The following LRRK2 variants were observed in gnomAD, a reference collection of about 807,000 sequenced individuals.
LRRK2 encodes the protein leucine rich repeat kinase 2, also known as leucine-rich repeat serine/threonine-protein kinase 2.
A neutral mutation model predicts 302.6 loss-of-function variants in LRRK2; 203 were observed. That is an observed-to-expected ratio of 0.67 (90% confidence interval 0.60 to 0.75). The LOEUF (loss-of-function observed/expected upper bound fraction) is 0.75. LRRK2 is among the 30% of genes least tolerant of loss of function. The probability of loss-of-function intolerance (pLI) is 0.00; values close to 1 mark genes in which losing one functional copy is unlikely to be tolerated. For synonymous variants in LRRK2, 1,066 were observed against 1,031.9 expected (o/e 1.03, Z -0.63); for missense variants, 2,830 against 2,951.0 (o/e 0.96, Z 0.95).
chr12:40,299,700 A>G (rs1239933936), intron 25 of LRRK2, among the ~76,000 whole-genome samples: 5 of 152,180 alleles, frequency 3.3e-5, no homozygotes, highest in African/African-American at 4.8e-5. Context: ...AATGTGCAGT[A>G]TAAAGAATGA....
intron 36 of LRRK2, 52 bp downstream of exon 36, chr12:40,322,233 CT>C: frequency 1.3e-6 from 2 of 1,552,972 alleles, no homozygotes; most frequent in Non-Finnish European, 1.8e-6. Context: ...GAAATTTAAA[CT>C]TAAAAAAAAA....
At chr12:40,359,552 C>A in intron 47 of LRRK2, 108 bp downstream of exon 47, 2 of 937,708 alleles carry the variant, frequency 2.1e-6, no homozygotes, top group Non-Finnish European at 3.1e-6. Flanking sequence ...TTTTAAAATG[C>A]ATAATTTATT....
At chr12:40,240,695 A>C in intron 6 of LRRK2, 78 bp downstream of exon 6, 1 of 1,374,560 alleles carries the variant, frequency 7.3e-7, no homozygotes, top group Non-Finnish European at 1.0e-6. Flanking sequence ...TATTTTAACA[A>C]TATTTTTATT....
At chr12:40,238,253 G>A in intron 5 of LRRK2, 150 bp downstream of exon 5, 1 of 781,796 alleles carries the variant, frequency 1.3e-6, no homozygotes, top group South Asian at 1.8e-5. Flanking sequence ...TGAGGAATGG[G>A]GTTAATTCAG....
intron 43 of LRRK2, among the ~76,000 whole-genome samples, chr12:40,349,690 A>AT (rs59980086): frequency 0.26 from 39,334 of 151,470 alleles, 5,893 homozygotes; most frequent in Middle Eastern, 0.4. Context: ...TTTTCCTTTA[A>AT]TTTTTTTGTA....
chr12:40,346,439 A>G (rs1426605158), intron 41 of LRRK2, among the ~76,000 whole-genome samples: 1 of 152,174 alleles, frequency 6.6e-6, no homozygotes, highest in Non-Finnish European at 1.5e-5. Flanking sequence ...TTAATTATGA[A>G]ATTCTACTTA....
At chr12:40,243,190 T>G (rs983846539) in intron 6 of LRRK2, among the ~76,000 whole-genome samples, 10 of 152,098 alleles carry the variant, frequency 6.6e-5, no homozygotes, top group African/African-American at 2.4e-4. Context: ...TCCAATTTAT[T>G]TATCTGAAAA....
intron 39 of LRRK2, 29 bp downstream of exon 39, chr12:40,328,489 A>G: frequency 1.4e-6 from 2 of 1,480,560 alleles, no homozygotes; most frequent in Non-Finnish European, 1.9e-6. Context: ...TAATTATATT[A>G]AATTGCACAT....
At chr12:40,295,308 T>C in intron 22 of LRRK2, 119 bp from the exon 23 acceptor site, 6 of 904,218 alleles carry the variant, frequency 6.6e-6, no homozygotes, top group Non-Finnish European at 1.0e-5. Flanking sequence ...TTTGGTTTTC[T>C]ACTGAATCTT....
intron 2 of LRRK2, among the ~76,000 whole-genome samples, chr12:40,226,045 G>T (rs1236590006): frequency 6.6e-6 from 1 of 152,166 alleles, no homozygotes; most frequent in Non-Finnish European, 1.5e-5. Context: ...ATAATTAATA[G>T]TGATAAAATG....
chr12:40,341,332 T>G (rs1946037209), intron 41 of LRRK2, among the ~76,000 whole-genome samples: 1 of 152,206 alleles, frequency 6.6e-6, no homozygotes, highest in Non-Finnish European at 1.5e-5. Context: ...CTACAGGATA[T>G]CTCACTAGGG....
intron 49 of LRRK2, 73 bp from the exon 50 acceptor site, chr12:40,366,933 A>C: frequency 8.9e-7 from 1 of 1,118,180 alleles, no homozygotes; most frequent in Non-Finnish European, 1.3e-6. Flanking sequence ...AACTATGAAC[A>C]ACTTTACTTT....
chr12:40,315,119 GC>G, intron 32 of LRRK2, 92 bp from the exon 33 acceptor site: 1 of 1,036,886 alleles, frequency 9.6e-7, no homozygotes, highest in Non-Finnish European at 1.5e-6. Context: ...TTCTTCACCT[GC>G]AAAATGAGGA....
intron 2 of LRRK2, among the ~76,000 whole-genome samples, chr12:40,229,123 G>C (rs1941050576): frequency 6.6e-6 from 1 of 152,008 alleles, no homozygotes; most frequent in South Asian, 2.1e-4. Flanking sequence ...TGTAGAAAGG[G>C]GTCTCCTACT....
intron 25 of LRRK2, among the ~76,000 whole-genome samples, chr12:40,300,564 A>G (rs1179955664): frequency 6.6e-6 from 1 of 152,170 alleles, no homozygotes; most frequent in African/African-American, 2.4e-5. Flanking sequence ...GATCAAAGCC[A>G]TCTTAATTTG....
intron 11 of LRRK2, 145 bp from the exon 12 acceptor site, chr12:40,257,103 C>A: frequency 6.1e-6 from 4 of 653,556 alleles, no homozygotes; most frequent in Non-Finnish European, 1.0e-5. Context: ...CATGAATTAT[C>A]TTTAAGCTGT....
At chr12:40,345,575 A>T (rs1032949946) in intron 41 of LRRK2, among the ~76,000 whole-genome samples, 5 of 137,348 alleles carry the variant, frequency 3.6e-5, no homozygotes, top group African/African-American at 1.4e-4. Flanking sequence ...GTAAGCCAAG[A>T]TCACACCCCT....
chr12:40,296,894 C>G (rs1308027434), intron 23 of LRRK2, among the ~76,000 whole-genome samples: 1 of 152,114 alleles, frequency 6.6e-6, no homozygotes, highest in African/African-American at 2.4e-5. Flanking sequence ...CCACCCAGGG[C>G]TCAATTTAAC....
intron 18 of LRRK2, among the ~76,000 whole-genome samples, chr12:40,281,067 C>CA (rs370464332): frequency 0.43 from 56,000 of 128,936 alleles, 11,755 homozygotes; most frequent in South Asian, 0.56. Context: ...GACTCCGTCT[C>CA]AAAAAAAAAA....
Sources: allele counts gnomAD v4.1 joint callset (sites outside exome capture counted in the v4.1 genomes callset), GRCh38; gene constraint gnomAD v4.1.1; transcripts MANE v1.5; gene names NCBI Gene and HGNC (gene_info 2026-07-23, HGNC 2026-07-21).